The following AFF2 variants were observed in gnomAD, a reference collection of about 807,000 sequenced individuals.
AFF2 encodes the protein AF4/FMR2 family member 2.
AFF2 carries 14 observed loss-of-function variants against 76.9 expected under a neutral mutation model. The observed-to-expected ratio is 0.18, with a 90% CI of 0.12 to 0.28. The LOEUF is 0.28. Among genes scored for constraint, AFF2 ranks in the 10% least tolerant of loss-of-function variants. The probability of loss-of-function intolerance (pLI) is 1.00; values close to 1 mark genes in which losing one functional copy is unlikely to be tolerated. For synonymous variants in AFF2, 398 were observed against 366.7 expected (o/e 1.09, Z -0.98); for missense variants, 868 against 1,001.1 (o/e 0.87, Z 1.79).
chrX:148,714,130 T>G (rs969373475), intron 3 of AFF2, among the ~76,000 whole-genome samples: 1 of 112,352 alleles, frequency 8.9e-6, no homozygotes, highest in Non-Finnish European at 1.9e-5. Flanking sequence ...TCTTAAGTTC[T>G]GTAAATCATG....
chrX:148,554,014 G>C (rs184665417), intron 1 of AFF2, among the ~76,000 whole-genome samples: 1 of 111,618 alleles, frequency 9.0e-6, no homozygotes, highest in Non-Finnish European at 1.9e-5. Context: ...GAGGGTCTAA[G>C]AATGAATAGA....
chrX:148,977,614 GACACACACAC>G (rs140911348), intron 16 of AFF2, among the ~76,000 whole-genome samples: 50,041 of 92,344 alleles, frequency 0.54, 12,075 homozygotes, highest in East Asian at 0.84. Context: ...CCAGCATTTA[GACACACACAC>G]ACACACACAC....
At chrX:148,595,720 A>G (rs1179772103) in intron 1 of AFF2, among the ~76,000 whole-genome samples, 1 of 111,994 alleles carries the variant, frequency 8.9e-6, no homozygotes, top group Non-Finnish European at 1.9e-5. Flanking sequence ...AAAAATAAAA[A>G]TTGATCTAAC....
At chrX:148,719,601 T>C (rs986810) in intron 3 of AFF2, among the ~76,000 whole-genome samples, 15,463 of 111,090 alleles carry the variant, frequency 0.14, 957 homozygotes, top group Middle Eastern at 0.22. Context: ...AATGTCCATT[T>C]TCTCATCCAC....
chrX:148,738,572 C>G (rs2055312984), intron 3 of AFF2, among the ~76,000 whole-genome samples: 1 of 111,786 alleles, frequency 8.9e-6, no homozygotes, highest in Non-Finnish European at 1.9e-5. Context: ...AGAACCAACT[C>G]TTTGTTTCAT....
intron 1 of AFF2, among the ~76,000 whole-genome samples, chrX:148,584,389 A>C (rs1028444587): frequency 1.8e-5 from 2 of 111,519 alleles, no homozygotes; most frequent in Non-Finnish European, 1.9e-5. Flanking sequence ...ATGTCCAAGG[A>C]AACATTAGCA....
At chrX:148,829,928 A>C (rs1207599109) in intron 4 of AFF2, among the ~76,000 whole-genome samples, 1 of 111,778 alleles carries the variant, frequency 8.9e-6, no homozygotes, top group Non-Finnish European at 1.9e-5. Flanking sequence ...GCAGGTCTCA[A>C]ATCTCTTTCA....
chrX:148,876,548 G>T (rs1557277914), intron 7 of AFF2, among the ~76,000 whole-genome samples: 1 of 111,930 alleles, frequency 8.9e-6, no homozygotes, highest in African/African-American at 3.2e-5. Context: ...ATTCGCTATT[G>T]TTCTGTTTAT....
intron 1 of AFF2, among the ~76,000 whole-genome samples, chrX:148,645,112 ATTAAC>A (rs2054132210): frequency 8.9e-6 from 1 of 112,089 alleles, no homozygotes; most frequent in African/African-American, 3.2e-5. Context: ...ATCTAATGAA[ATTAAC>A]TTAATCTGTT....
At chrX:148,719,996 A>T (rs1057415287) in intron 3 of AFF2, among the ~76,000 whole-genome samples, 1 of 109,083 alleles carries the variant, frequency 9.2e-6, no homozygotes, top group African/African-American at 3.4e-5. Context: ...CACCATTTGC[A>T]CTCCCAGCCT....
At chrX:148,870,490 G>A (rs1557277245) in intron 7 of AFF2, among the ~76,000 whole-genome samples, 1 of 112,136 alleles carries the variant, frequency 8.9e-6, no homozygotes, top group African/African-American at 3.2e-5. Context: ...TTTTCCTATG[G>A]TAGTTCATTC....
intron 3 of AFF2, among the ~76,000 whole-genome samples, chrX:148,795,872 T>TAC (rs1355229584): frequency 0.13 from 4,231 of 33,437 alleles, 943 homozygotes; most frequent in Middle Eastern, 0.19. Flanking sequence ...TATATATATA[T>TAC]ACACACCTAA....
At chrX:148,920,637 T>C (rs1019402664) in intron 9 of AFF2, among the ~76,000 whole-genome samples, 28 of 108,897 alleles carry the variant, frequency 2.6e-4, no homozygotes, top group Admixed American at 8.9e-4. Context: ...TGTGCGCGTG[T>C]GTGTGTGTGT....
At chrX:148,632,075 G>A (rs1165568509) in intron 1 of AFF2, among the ~76,000 whole-genome samples, 1 of 112,142 alleles carries the variant, frequency 8.9e-6, no homozygotes, top group South Asian at 3.7e-4. Context: ...GAACCTGGTA[G>A]TGAGAGACTA....
Position 148,991,308 on chromosome X carries a change from G to A in AFF2, c.3912G>A (p.Leu1304=). The part of the protein sequence containing the change: ...VRYVRQGLCW[L]RIDAHLL Reference sequence around the variant, plus strand: ...ACGTTCGCCAAGGACTGTGTTGGCTGCGCATCGATGCCCACTTGTTGTAGT... The same window carrying A: ...ACGTTCGCCAAGGACTGTGTTGGCTACGCATCGATGCCCACTTGTTGTAGT... Residue 1304 remains leucine, a synonymous_variant, in exon 21 of 21, where the codon CTG becomes CTA. Coordinates refer to ENST00000370460, the MANE Select transcript of AFF2 (RefSeq NM_002025.4). 5.8e-6 allele frequency: 7 copies of A among 1,207,045 alleles called. No homozygotes were observed. Among genetic ancestry groups the A allele is most frequent in the Non-Finnish European group, 7.8e-6 (7 of 892,837 alleles).
chrX:148,749,364 C>T (rs781902493), intron 3 of AFF2, among the ~76,000 whole-genome samples: 5 of 109,815 alleles, frequency 4.6e-5, no homozygotes, highest in Non-Finnish European at 9.5e-5. Context: ...ATCGGACTCC[C>T]GGGCTCAACA....
At chrX:148,757,323 C>G (rs1486138979) in intron 3 of AFF2, among the ~76,000 whole-genome samples, 3 of 111,373 alleles carry the variant, frequency 2.7e-5, no homozygotes, top group Admixed American at 9.6e-5. Context: ...TGGTCTTTCG[C>G]GGGAAAGTTT....
chrX:148,953,567 G>A lies in AFF2; in HGVS notation c.1398-13G>A, dbSNP rs1557286852. The A allele has an allele frequency of 8.3e-7, 1 of 1,198,102 alleles. No individual in the cohort carries two copies. The highest frequency in any genetic ancestry group is 1.8e-5 in the African/African-American group (1 of 56,697). On this transcript the variant is annotated splice_polypyrimidine_tract_variant and intron_variant, in intron 9 of 20. Coordinates refer to ENST00000370460, the MANE Select transcript of AFF2 (RefSeq NM_002025.4). Reference sequence around the variant, plus strand: ...AGTAAATGAGGCAATGAATTATGTTGTTTTTCTTTCAGCCCACCCTTGGCC... The same window carrying A: ...AGTAAATGAGGCAATGAATTATGTTATTTTTCTTTCAGCCCACCCTTGGCC...
intron 3 of AFF2, among the ~76,000 whole-genome samples, chrX:148,720,140 C>T (rs1392305025): frequency 1.1e-4 from 12 of 110,896 alleles, no homozygotes; most frequent in Non-Finnish European, 1.9e-4. Context: ...GCATAATATA[C>T]TCCAACTACA....
Sources: allele counts gnomAD v4.1 joint callset (sites outside exome capture counted in the v4.1 genomes callset), GRCh38; gene constraint gnomAD v4.1.1; transcripts MANE v1.5; gene names NCBI Gene and HGNC (gene_info 2026-07-23, HGNC 2026-07-21).